RAPGEF2: variants seen among roughly 807,000 people sequenced by gnomAD.
RAPGEF2 encodes PDZ domain containing guanine nucleotide exchange factor (GEF) 1.
In RAPGEF2, 54 loss-of-function variants were observed where a neutral mutation model predicts 186.7. The ratio of observed to expected loss-of-function variants is 0.29; its 90% CI spans 0.23 to 0.36. The LOEUF (loss-of-function observed/expected upper bound fraction) is 0.36. RAPGEF2 is among the 10% of genes least tolerant of loss of function. RAPGEF2 has a pLI of 1.00. For synonymous variants in RAPGEF2, 712 were observed against 705.9 expected (o/e 1.01, Z -0.14); for missense variants, 1,532 against 2,045.0 (o/e 0.75, Z 4.84).
At chr4:159,252,656 G>C (rs904186755) in intron 7 of RAPGEF2, among the ~76,000 whole-genome samples, 1 of 152,020 alleles carries the variant, frequency 6.6e-6, no homozygotes, top group Non-Finnish European at 1.5e-5. Context: ...TCTGCAAGCG[G>C]ATTAAGTTGT....
At chr4:159,192,544 TTAATA>T (rs767339402) in intron 2 of RAPGEF2, among the ~76,000 whole-genome samples, 1 of 152,242 alleles carries the variant, frequency 6.6e-6, no homozygotes, top group African/African-American at 2.4e-5. Flanking sequence ...TGTAATTGAC[TTAATA>T]TAATAGGATG....
chr4:159,211,389 C>T (rs1188946865), intron 4 of RAPGEF2, among the ~76,000 whole-genome samples: 1 of 151,998 alleles, frequency 6.6e-6, no homozygotes, highest in Non-Finnish European at 1.5e-5. Context: ...ATAATTTTTA[C>T]TAAAGGTTTT....
intron 7 of RAPGEF2, among the ~76,000 whole-genome samples, chr4:159,256,425 A>C (rs6536405): frequency 0.62 from 93,997 of 152,112 alleles, 30,114 homozygotes; most frequent in African/African-American, 0.74. Context: ...ATATGTATCA[A>C]GTTTTCTTTA....
At chr4:159,145,289 C>T (rs1001158818) in intron 1 of RAPGEF2, among the ~76,000 whole-genome samples, 4 of 151,944 alleles carry the variant, frequency 2.6e-5, no homozygotes, top group East Asian at 1.9e-4. Flanking sequence ...TGCTTGCTGT[C>T]GGATAGAACA....
At chr4:159,240,745 A>G (rs989201600) in intron 5 of RAPGEF2, among the ~76,000 whole-genome samples, 1 of 151,396 alleles carries the variant, frequency 6.6e-6, no homozygotes. Flanking sequence ...TACCAAAGCC[A>G]TTCTGTTAGC....
chr4:159,272,565 T>G (rs548491391), intron 7 of RAPGEF2, among the ~76,000 whole-genome samples: 17 of 152,242 alleles, frequency 1.1e-4, no homozygotes, highest in Non-Finnish European at 2.4e-4. Context: ...ATTTGTTTGG[T>G]CTTTGCAGTT....
At chr4:159,150,332 G>A (rs971253649) in intron 1 of RAPGEF2, among the ~76,000 whole-genome samples, 3 of 152,062 alleles carry the variant, frequency 2.0e-5, no homozygotes, top group African/African-American at 7.2e-5. Flanking sequence ...GTGTGCTTTT[G>A]TTTAAAAATA....
At chr4:159,175,343 C>G (rs769112227) in intron 1 of RAPGEF2, among the ~76,000 whole-genome samples, 2 of 151,562 alleles carry the variant, frequency 1.3e-5, no homozygotes, top group African/African-American at 2.4e-5. Context: ...TTTTTTCTTA[C>G]ATTGTTCAAA....
chr4:159,240,903 C>T (rs1753909917), intron 5 of RAPGEF2: 2 of 227,936 alleles, frequency 8.8e-6, no homozygotes, highest in Non-Finnish European at 1.7e-5. Context: ...AGATCTTTCA[C>T]TAATAAATCA....
At chr4:159,268,219 A>C (rs749610024) in intron 7 of RAPGEF2, 1 of 1,575,380 alleles carries the variant, frequency 6.3e-7, no homozygotes, top group Non-Finnish European at 8.7e-7. Flanking sequence ...ACACTCAGTA[A>C]GTATCGCAAA....
intron 7 of RAPGEF2, among the ~76,000 whole-genome samples, chr4:159,275,458 ACATACCCT>A (rs1312614854): frequency 6.6e-6 from 1 of 152,180 alleles, no homozygotes. Flanking sequence ...ATTAAATGAA[ACATACCCT>A]CCTTTCCCCT....
At chr4:159,112,586 C>T (rs553608212) in intron 1 of RAPGEF2, among the ~76,000 whole-genome samples, 1 of 151,988 alleles carries the variant, frequency 6.6e-6, no homozygotes, top group African/African-American at 2.4e-5. Flanking sequence ...TGAGCCCATA[C>T]TGATATAAGT....
chr4:159,252,389 AATC>A (rs1451757348), intron 7 of RAPGEF2, among the ~76,000 whole-genome samples: 1 of 152,168 alleles, frequency 6.6e-6, no homozygotes, highest in Non-Finnish European at 1.5e-5. Flanking sequence ...AAAATGTTTC[AATC>A]ATCAGGACTT....
At chr4:159,227,257 C>T (rs750872889) in intron 4 of RAPGEF2, among the ~76,000 whole-genome samples, 1 of 152,164 alleles carries the variant, frequency 6.6e-6, no homozygotes, top group Non-Finnish European at 1.5e-5. Context: ...TTATATTCAT[C>T]TGCCATTTTT....
intron 7 of RAPGEF2, among the ~76,000 whole-genome samples, chr4:159,269,376 T>C (rs1000693634): frequency 2.6e-5 from 4 of 151,602 alleles, no homozygotes; most frequent in Non-Finnish European, 5.9e-5. Flanking sequence ...GCCCAGCCCG[T>C]TACCATGAGG....
intron 17 of RAPGEF2, among the ~76,000 whole-genome samples, chr4:159,336,762 G>A (rs1322455104): frequency 2.6e-5 from 4 of 151,630 alleles, no homozygotes. Context: ...GGGAAGAAAT[G>A]TTGCTATTTT....
intron 11 of RAPGEF2, among the ~76,000 whole-genome samples, chr4:159,325,082 C>T (rs1049435805): frequency 2.6e-5 from 4 of 151,836 alleles, no homozygotes; most frequent in African/African-American, 9.7e-5. Flanking sequence ...AAGCATTTTA[C>T]TTACTAAAAA....
At chr4:159,254,600 CTT>C (rs34644510) in intron 7 of RAPGEF2, among the ~76,000 whole-genome samples, 189 of 124,536 alleles carry the variant, frequency 1.5e-3, no homozygotes, top group African/African-American at 5.0e-3. Context: ...TACAGCATGA[CTT>C]TTTTTTTTTT....
At chr4:159,131,638 G>A (rs950256612) in intron 1 of RAPGEF2, among the ~76,000 whole-genome samples, 7 of 144,668 alleles carry the variant, frequency 4.8e-5, no homozygotes, top group Non-Finnish European at 1.0e-4. Flanking sequence ...TGCAGTTAAA[G>A]TTCTTTGGGC....
Sources: allele counts gnomAD v4.1 joint callset (sites outside exome capture counted in the v4.1 genomes callset), GRCh38; gene constraint gnomAD v4.1.1; transcripts MANE v1.5; gene names NCBI Gene and HGNC (gene_info 2026-07-23, HGNC 2026-07-21).